The following KCTD16 variants were observed in gnomAD, a reference collection of about 807,000 sequenced individuals.
The protein encoded by KCTD16 is BTB/POZ domain-containing protein KCTD16.
KCTD16 carries 13 observed loss-of-function variants against 33.2 expected under a neutral mutation model. The observed-to-expected ratio is 0.39, with a 90% confidence interval of 0.25 to 0.62. The LOEUF (loss-of-function observed/expected upper bound fraction) is 0.62, where lower values mean the gene tolerates loss of function less well. Ranked by LOEUF, KCTD16 falls within the 20% of genes least tolerant of loss-of-function variation. KCTD16 has a pLI of 0.50. For missense variants in KCTD16, 441 were observed against 525.1 expected (o/e 0.84, Z 1.57); for synonymous variants, 197 against 195.3 (o/e 1.01, Z -0.07).
At chr5:144,338,024 T>C (rs1011159582) in intron 3 of KCTD16, among the ~76,000 whole-genome samples, 3 of 152,174 alleles carry the variant, frequency 2.0e-5, no homozygotes, top group East Asian at 1.9e-4. Flanking sequence ...GCTATTTTTA[T>C]TTAGGAGTAT....
In KCTD16 at chr5:144,239,592, T is replaced by A. The variant is rs533516510; in HGVS notation, c.832+32046T>A. Among the ~76,000 whole-genome samples the A allele has an allele frequency of 2.0e-5, 3 of 152,194 alleles. No individual in the cohort carries two copies. The East Asian group carries it at 5.8e-4, about 29-fold the overall frequency. ...GACTACATCCATGGTGTCACCAGATTCTCCTAGAAACACATAAAATATCAT... is the reference window on the plus strand; with the variant it reads ...GACTACATCCATGGTGTCACCAGATACTCCTAGAAACACATAAAATATCAT... On this transcript the variant is annotated intron_variant, in intron 3 of 3. Coordinates refer to ENST00000512467, the MANE Select transcript of KCTD16 (RefSeq NM_020768.4).
chr5:144,290,742 A>G (rs1755874702), intron 3 of KCTD16, among the ~76,000 whole-genome samples: 1 of 152,204 alleles, frequency 6.6e-6, no homozygotes, highest in Non-Finnish European at 1.5e-5. Context: ...AATGCCTGTC[A>G]AGAAGGGTAG....
chr5:144,213,219 G>C (rs1580792567), intron 3 of KCTD16, among the ~76,000 whole-genome samples: 1 of 151,928 alleles, frequency 6.6e-6, no homozygotes, highest in East Asian at 1.9e-4. Flanking sequence ...ATATTTGTTT[G>C]CTAATTTTCT....
At chr5:144,181,094 G>A (rs1397614420) in intron 2 of KCTD16, among the ~76,000 whole-genome samples, 1 of 151,860 alleles carries the variant, frequency 6.6e-6, no homozygotes, top group Non-Finnish European at 1.5e-5. Flanking sequence ...CACCACGCCC[G>A]GCTAATTTTT....
intron 3 of KCTD16, among the ~76,000 whole-genome samples, chr5:144,360,561 A>T (rs1751686668): frequency 6.6e-6 from 1 of 151,818 alleles, no homozygotes; most frequent in Non-Finnish European, 1.5e-5. Flanking sequence ...CCTCCCAAGT[A>T]GCTGGGACTA....
Position 144,479,705 on chromosome 5 carries a change from G to A in KCTD16, c.*5591G>A, listed in dbSNP as rs944654057. The A allele has an allele frequency of 2.0e-5, 3 of 151,802 alleles. No homozygotes were observed. Among genetic ancestry groups the A allele is most frequent in the Admixed American group, 6.6e-5 (1 of 15,216 alleles). The allele number at this position is 151,802 out of a possible 1,614,324, so 9.4% of individuals were successfully genotyped here. ...CTAAGTGGGATCCCTTTTCTGTCCC[G>A]GCTTCCTAATGTTCAAAAAATGTTT... On this transcript the variant is annotated 3_prime_UTR_variant, in exon 4 of 4. Coordinates refer to ENST00000512467, the MANE Select transcript of KCTD16 (RefSeq NM_020768.4).
intron 3 of KCTD16, among the ~76,000 whole-genome samples, chr5:144,222,342 A>G (rs1449090244): frequency 6.6e-6 from 1 of 152,222 alleles, no homozygotes; most frequent in Non-Finnish European, 1.5e-5. Flanking sequence ...TAGCGATTAA[A>G]GAAAAAGTAA....
At chr5:144,467,986 G>T (rs1274288314) in intron 3 of KCTD16, among the ~76,000 whole-genome samples, 2 of 152,088 alleles carry the variant, frequency 1.3e-5, no homozygotes, top group African/African-American at 4.8e-5. Context: ...CTAAAACATG[G>T]GAAGAATTCC....
intron 3 of KCTD16, among the ~76,000 whole-genome samples, chr5:144,462,615 G>T: frequency 6.8e-6 from 1 of 146,914 alleles, no homozygotes; most frequent in African/African-American, 2.5e-5. Flanking sequence ...TTTTCCAAAT[G>T]TTAGCAAATA....
At chr5:144,173,952 A>G (rs567417062) in intron 1 of KCTD16, among the ~76,000 whole-genome samples, 1 of 151,050 alleles carries the variant, frequency 6.6e-6, no homozygotes. Context: ...AGGCTCCAGA[A>G]AGTTATATTA....
intron 3 of KCTD16, among the ~76,000 whole-genome samples, chr5:144,279,273 A>G (rs1755537989): frequency 6.6e-6 from 1 of 152,214 alleles, no homozygotes; most frequent in Admixed American, 6.5e-5. Context: ...ATTCTTTCCT[A>G]ATCTGTGTGC....
intron 3 of KCTD16, among the ~76,000 whole-genome samples, chr5:144,425,840 T>C (rs760520865): frequency 9.9e-5 from 15 of 152,126 alleles, no homozygotes; most frequent in Admixed American, 3.9e-4. Context: ...GGACCTGTTA[T>C]GTGAGGGGCA....
chr5:144,473,591 A>AAG lies in KCTD16; in HGVS notation c.833-68_833-67dup, dbSNP rs1754526502. On this transcript the variant is annotated intron_variant, in intron 3 of 3. Transcript: ENST00000512467. ...CTTATGTGTGTTTCTGTGTATGTCC[A>AAG]AGTGCTATACTGCTACTCCAACTGA... 3.0e-6 allele frequency: 4 copies of AAG among 1,344,544 alleles called. No individual in the cohort carries two copies. In the East Asian group the frequency reaches 9.3e-5, roughly 31 times the overall value. 83.3% of individuals were successfully genotyped at this position (1,344,544 alleles called of 1,614,324 possible).
At chr5:144,383,189 C>A (rs1194923077) in intron 3 of KCTD16, 1 of 152,150 alleles carries the variant, frequency 6.6e-6, no homozygotes, top group South Asian at 2.1e-4. Flanking sequence ...CCTAGGGACT[C>A]TCTTAAATGA....
rs558740003 is a variant in KCTD16, at chr5:144,451,303, C to G, written c.833-22357C>G. On this transcript the variant is annotated intron_variant, in intron 3 of 3. Coordinates refer to ENST00000512467, the MANE Select transcript of KCTD16 (RefSeq NM_020768.4). The stretch of plus-strand genomic sequence containing the variant: ...TCAATTTCTCCAAGTTATTTTTATT[C>G]TCAATCTTATACCTGAGATATAAGA... 3.9e-5 allele frequency among the ~76,000 whole-genome samples: 6 copies of G among 152,068 alleles called. No individual in the cohort carries two copies. In the East Asian group the frequency reaches 1.2e-3, roughly 29 times the overall value.
intron 3 of KCTD16, among the ~76,000 whole-genome samples, chr5:144,337,423 T>C (rs758687856): frequency 2.6e-5 from 4 of 152,216 alleles, no homozygotes; most frequent in Non-Finnish European, 5.9e-5. Flanking sequence ...TTGTTTGTTC[T>C]ACTAATCTGT....
intron 3 of KCTD16, among the ~76,000 whole-genome samples, chr5:144,297,672 G>A: frequency 6.6e-6 from 1 of 152,318 alleles, no homozygotes; most frequent in East Asian, 1.9e-4. Context: ...CATGGGGCTT[G>A]CAACTTAGCT....
intron 3 of KCTD16, among the ~76,000 whole-genome samples, chr5:144,210,138 G>C (rs1490301092): frequency 6.6e-6 from 1 of 151,720 alleles, no homozygotes; most frequent in African/African-American, 2.4e-5. Context: ...AGAAAAATTG[G>C]GGAGACCGAA....
chr5:144,206,642 T>G lies in KCTD16; in HGVS notation c.-73T>G, dbSNP rs1753180519. On this transcript the variant is annotated 5_prime_UTR_variant, in exon 3 of 4. Coordinates refer to ENST00000512467, the MANE Select transcript of KCTD16 (RefSeq NM_020768.4). ...TCCTTTTCCCTTTCTTACAAGTTGA[T>G]CCAAAGGATAAGGCTGTGACTCCAT... 1 of 1,268,614 alleles carries G rather than the reference T, an allele frequency of 7.9e-7. No homozygotes were observed. Among genetic ancestry groups the G allele is most frequent in the African/African-American group, 1.5e-5 (1 of 66,850 alleles). The allele number at this position is 1,268,614 out of a possible 1,614,324, so 78.6% of individuals were successfully genotyped here.
Sources: gnomAD v4.1 joint callset for allele counts (sites outside exome capture counted in the v4.1 genomes callset) on GRCh38, gnomAD v4.1.1 for gene constraint, MANE v1.5 for transcripts, NCBI Gene and HGNC (gene_info 2026-07-23, HGNC 2026-07-21) for gene names.